CD244: variants seen among roughly 807,000 people sequenced by gnomAD.
The protein encoded by CD244 is natural killer cell receptor 2B4.
In CD244, 20 loss-of-function variants were observed where a neutral mutation model predicts 45.5. That is an observed-to-expected ratio of 0.44 (90% CI 0.31 to 0.64). The LOEUF is 0.64. CD244 is among the 30% of genes least tolerant of loss of function. The pLI, the probability that CD244 is intolerant of heterozygous loss-of-function variation, is 0.08. For synonymous variants in CD244, 185 were observed against 160.5 expected, an observed-to-expected ratio of 1.15 and a Z score of -1.15; for missense variants, 407 against 426.9, an observed-to-expected ratio of 0.95 and a Z score of 0.41.
At chr1:160,852,484 G>C (rs895383431) in intron 1 of CD244, among the ~76,000 whole-genome samples, 1 of 152,164 alleles carries the variant, frequency 6.6e-6, no homozygotes, top group Non-Finnish European at 1.5e-5. Flanking sequence ...AGGAGGCAGA[G>C]GTTGCAGTGA....
At chr1:160,857,354 T>C (rs1670146584) in intron 1 of CD244, among the ~76,000 whole-genome samples, 1 of 152,172 alleles carries the variant, frequency 6.6e-6, no homozygotes, top group Non-Finnish European at 1.5e-5. Context: ...CACAGCATTA[T>C]TATAATAGCA....
At chr1:160,845,269 T>G (rs982777003) in intron 1 of CD244, among the ~76,000 whole-genome samples, 1 of 152,000 alleles carries the variant, frequency 6.6e-6, no homozygotes, top group Non-Finnish European at 1.5e-5. Flanking sequence ...AATTGAAAGG[T>G]TAAAAAGGCC....
intron 1 of CD244, among the ~76,000 whole-genome samples, chr1:160,856,867 C>G (rs1458084085): frequency 6.6e-6 from 1 of 151,288 alleles, no homozygotes; most frequent in Non-Finnish European, 1.5e-5. Flanking sequence ...GGAAACAATT[C>G]ACAGAGTGAA....
rs147858471 is a variant in CD244, at chr1:160,838,248, T to C, written c.834+203A>G. 2.5e-3 allele frequency among the ~76,000 whole-genome samples: 388 copies of C among 152,248 alleles called. 3 individuals are homozygous for C. Among genetic ancestry groups the C allele is most frequent in the Middle Eastern group, 0.024 (7 of 294 alleles). ...AGATGCCCCTTCAGCCTCCCTTTCA[T>C]CTCCTCTGCTCCTTTTGTTTCCTCT... On this transcript the variant is annotated intron_variant, in intron 5 of 8. Transcript: ENST00000368034.
rs746747309 is a variant in CD244 at position 160,830,904 on chromosome 1, C to T, written c.*443G>A. 9.3e-5 allele frequency: 15 copies of T among 161,510 alleles called. No homozygotes were observed. Among genetic ancestry groups the T allele is most frequent in the Non-Finnish European group, 1.8e-4 (13 of 73,014 alleles). 10.0% of individuals were successfully genotyped at this position (161,510 alleles called of 1,614,324 possible). A position where few individuals can be genotyped will look rare whatever the true frequency, so the allele number is the denominator to read the frequency against. Reference sequence around the variant, plus strand: ...TCAGAGGAGGGCTGTTTCTTCTTCCCCTGAGTCACCATTATCATTCCTTCC... The same window carrying T: ...TCAGAGGAGGGCTGTTTCTTCTTCCTCTGAGTCACCATTATCATTCCTTCC... On this transcript the variant is annotated 3_prime_UTR_variant, in exon 9 of 9. Coordinates refer to ENST00000368034, the MANE Select transcript of CD244 (RefSeq NM_016382.4).
chr1:160,854,269 A>C (rs1392574877), intron 1 of CD244, among the ~76,000 whole-genome samples: 1 of 152,230 alleles, frequency 6.6e-6, no homozygotes, highest in Non-Finnish European at 1.5e-5. Context: ...CTCCCATATA[A>C]TCCACCAGTA....
At chr1:160,850,540 A>G (rs1669885627) in intron 1 of CD244, among the ~76,000 whole-genome samples, 1 of 152,266 alleles carries the variant, frequency 6.6e-6, no homozygotes, top group South Asian at 2.1e-4. Flanking sequence ...GAACAAAGCT[A>G]GAAGGTTTTC....
Position 160,834,060 on chromosome 1 carries a change from A to G in CD244, c.951T>C (p.Pro317=). Residue 317 remains proline, a synonymous_variant, in exon 7 of 9, where the codon CCT becomes CCC. Coordinates refer to ENST00000368034, the MANE Select transcript of CD244 (RefSeq NM_016382.4). ...ACGGGAAGAGGCTCACCTTCCTGGA[A>G]GGCTGAATTAATGAATATAATGTAT... The part of the protein sequence containing the change: ...PAYTLYSLIQ[P]SRKSGSRKRN... 1 of 1,610,740 alleles carries G rather than the reference A, an allele frequency of 6.2e-7. No individual in the cohort carries two copies. The highest frequency in any genetic ancestry group is 2.2e-5 in the East Asian group (1 of 44,870).
intron 1 of CD244, among the ~76,000 whole-genome samples, chr1:160,854,301 G>A (rs1442476608): frequency 6.6e-6 from 1 of 152,250 alleles, no homozygotes; most frequent in African/African-American, 2.4e-5. Context: ...AGAGCGCTAT[G>A]TAGAAGAAGG....
At chr1:160,839,415 A>G (rs926152977) in intron 3 of CD244, among the ~76,000 whole-genome samples, 6 of 152,224 alleles carry the variant, frequency 3.9e-5, no homozygotes, top group African/African-American at 1.4e-4. Context: ...GGTTAATTAC[A>G]TGATCTAATA....
Position 160,836,296 on chromosome 1 carries a change from G to T in CD244, c.835-42C>A, listed in dbSNP as rs375811422. On this transcript the variant is annotated intron_variant, in intron 5 of 8. Coordinates refer to ENST00000368034, the MANE Select transcript of CD244 (RefSeq NM_016382.4). The stretch of plus-strand genomic sequence containing the variant: ...GATGGGGTAACATGAGCGACAGTTC[G>T]GTCTGTCCAGATTTAGATTGAGTGG... 5 of 1,502,858 alleles carry T rather than the reference G, an allele frequency of 3.3e-6. 1 individual carries two copies. The African/African-American group carries it at 4.1e-5, about 12-fold the overall frequency. The allele number at this position is 1,502,858 out of a possible 1,614,324, so 93.1% of individuals were successfully genotyped here.
At chr1:160,842,684 T>A (rs1429709076) in intron 1 of CD244, among the ~76,000 whole-genome samples, 4 of 152,274 alleles carry the variant, frequency 2.6e-5, no homozygotes, top group Middle Eastern at 3.4e-3. Flanking sequence ...TACTTATTGA[T>A]GTTTGCCAGT....
chr1:160,849,410 C>A (rs1194779268), intron 1 of CD244, among the ~76,000 whole-genome samples: 1 of 151,592 alleles, frequency 6.6e-6, no homozygotes, highest in Non-Finnish European at 1.5e-5. Context: ...GGTTTTAAGC[C>A]CCACATGCAT....
In CD244 at chr1:160,841,790, G is replaced by A. The variant is rs1314270995; in HGVS notation, c.173C>T (p.Pro58Leu). 6.2e-7 allele frequency: 1 copy of A among 1,614,102 alleles called. No individual in the cohort carries two copies. The highest frequency in any genetic ancestry group is 8.5e-7 in the Non-Finnish European group (1 of 1,179,992). Residue 58 changes from proline to leucine, a missense_variant, in exon 2 of 9, where the codon CCC becomes CTC. By Grantham distance (98) the Pro-to-Leu change is moderately conservative (BLOSUM62 -3). Coordinates refer to ENST00000368034, the MANE Select transcript of CD244 (RefSeq NM_016382.4). ...VDSIAWKKLL[P>L]SQNGFHHILK... ...TATGTGATGAAATCCATTTTGTGAG[G>A]GCAGCAACTTCTTCCATGCAATGCT...
chr1:160,862,128 G>A (rs1670332014), intron 1 of CD244, among the ~76,000 whole-genome samples: 2 of 152,162 alleles, frequency 1.3e-5, no homozygotes, highest in African/African-American at 4.8e-5. Context: ...AAGCCGGGGA[G>A]ATGAGGGACC....
rs566899241 is a variant in CD244 at position 160,836,244 on chromosome 1, T to C, written c.845A>G (p.Gln282Arg). ...GGTGCTCCCCCCTCCAGGAAAAGTC[T>C]GCTCCTGCTCCTGCACAAGAAATGG... is the stretch of plus-strand genomic sequence containing the variant. ...LKTRRNHEQE[Q>R]TFPGGGSTIY... Residue 282 changes from glutamine (Q) to arginine (R), a missense_variant, in exon 6 of 9, where the codon CAG becomes CGG. Coordinates refer to ENST00000368034, the MANE Select transcript of CD244 (RefSeq NM_016382.4). 2 of 1,613,290 alleles carry C rather than the reference T, an allele frequency of 1.2e-6. No individual in the cohort carries two copies. The highest frequency in any genetic ancestry group is 4.5e-5 in the East Asian group (2 of 44,880).
intron 1 of CD244, among the ~76,000 whole-genome samples, chr1:160,852,992 C>T (rs1669972897): frequency 1.3e-5 from 2 of 152,050 alleles, no homozygotes; most frequent in African/African-American, 4.8e-5. Context: ...CATTGCACTC[C>T]AGCCTGGGCA....
At chr1:160,841,187 A>G (rs1448968181) in intron 3 of CD244, 23 bp downstream of exon 3, 3 of 1,612,680 alleles carry the variant, frequency 1.9e-6, no homozygotes, top group African/African-American at 2.7e-5. Flanking sequence ...AGCGCTTGTT[A>G]TAGCCCAGTG....
intron 8 of CD244, 129 bp from the exon 9 acceptor site, chr1:160,831,556 C>T: frequency 4.4e-6 from 3 of 682,694 alleles, no homozygotes; most frequent in Admixed American, 2.6e-5. Context: ...AAACAAATTA[C>T]TCAGGATCCA....
Sources: gnomAD v4.1 joint callset for allele counts (sites outside exome capture counted in the v4.1 genomes callset) on GRCh38, gnomAD v4.1.1 for gene constraint, MANE v1.5 for transcripts, NCBI Gene and HGNC (gene_info 2026-07-23, HGNC 2026-07-21) for gene names.